The following STOX2 variants were observed in gnomAD, a reference collection of about 807,000 sequenced individuals.
STOX2 encodes the protein storkhead-box protein 2.
Under a neutral mutation model 60.9 loss-of-function variants are expected in STOX2, and 28 were observed. The observed-to-expected ratio is 0.46, with a 90% CI of 0.34 to 0.63. STOX2 has a LOEUF of 0.63. Among genes scored for constraint, STOX2 ranks in the 30% least tolerant of loss-of-function variants. The probability of loss-of-function intolerance (pLI) is 0.01; values close to 1 mark genes in which losing one functional copy is unlikely to be tolerated. For synonymous variants in STOX2, 472 were observed against 463.9 expected (o/e 1.02, Z -0.22); for missense variants, 1,024 against 1,187.7 (o/e 0.86, Z 2.03).
intron 1 of STOX2, among the ~76,000 whole-genome samples, chr4:183,986,514 G>A (rs1031689920): frequency 5.3e-5 from 8 of 152,346 alleles, no homozygotes; most frequent in African/African-American, 1.9e-4. Flanking sequence ...CATGGAAGAC[G>A]TTTTATTTAA....
At chr4:184,015,034 A>G (rs898212334) in intron 3 of STOX2, 2 of 152,194 alleles carry the variant, frequency 1.3e-5, no homozygotes, top group East Asian at 3.8e-4. Context: ...ATTTCATTAT[A>G]TGCTAGGTAT....
intron 1 of STOX2, among the ~76,000 whole-genome samples, chr4:183,910,839 TG>T (rs1260792063): frequency 6.6e-6 from 1 of 152,204 alleles, no homozygotes; most frequent in Non-Finnish European, 1.5e-5. Flanking sequence ...TGGGGAAGAA[TG>T]GCCAGCTCAT....
chr4:183,994,097 G>C (rs1299429112), intron 1 of STOX2, among the ~76,000 whole-genome samples: 1 of 152,194 alleles, frequency 6.6e-6, no homozygotes, highest in Non-Finnish European at 1.5e-5. Context: ...TCACTTGACT[G>C]TAACCCCAGA....
intron 1 of STOX2, among the ~76,000 whole-genome samples, chr4:183,933,460 C>A (rs112983816): frequency 6.6e-6 from 1 of 152,200 alleles, no homozygotes; most frequent in Non-Finnish European, 1.5e-5. Flanking sequence ...ATGATCTCGG[C>A]TCACTGCAAC....
upstream of STOX2, among the ~76,000 whole-genome samples, chr4:183,904,017 C>T (rs10005808): frequency 0.81 from 122,627 of 152,184 alleles, 50,997 homozygotes; most frequent in East Asian, 0.94. Context: ...ACTAGAGAGT[C>T]CCATCTGGAG....
intron 3 of STOX2, among the ~76,000 whole-genome samples, chr4:184,013,117 G>A (rs957437594): frequency 2.0e-5 from 3 of 152,130 alleles, no homozygotes; most frequent in African/African-American, 7.2e-5. Flanking sequence ...TTCCCTCTGG[G>A]CCCCTGGGCT....
intron 1 of STOX2, among the ~76,000 whole-genome samples, chr4:183,849,537 G>T (rs1740065840): frequency 6.6e-6 from 1 of 152,236 alleles, no homozygotes; most frequent in African/African-American, 2.4e-5. Context: ...AGCCTAGCTG[G>T]CTGGCTTTAT....
At chr4:183,869,756 A>G (rs1740645700) in intron 1 of STOX2, among the ~76,000 whole-genome samples, 1 of 152,228 alleles carries the variant, frequency 6.6e-6, no homozygotes, top group Admixed American at 6.5e-5. Flanking sequence ...ACAATCAGTG[A>G]CTATTTAAAG....
intron 1 of STOX2, among the ~76,000 whole-genome samples, chr4:183,875,325 T>C (rs1054833260): frequency 5.9e-5 from 9 of 152,262 alleles, no homozygotes; most frequent in Middle Eastern, 3.4e-3. Context: ...TGGTGGTGAA[T>C]ACCTTGGCTG....
chr4:183,957,482 G>A (rs1429462180), intron 1 of STOX2, among the ~76,000 whole-genome samples: 1 of 145,432 alleles, frequency 6.9e-6, no homozygotes, highest in Admixed American at 6.7e-5. Context: ...ATGTTCATTT[G>A]TTGAACGAAA....
chr4:183,836,206 T>A lies in STOX2; in HGVS notation c.364+38151T>A, dbSNP rs1739703902. On this transcript the variant is annotated intron_variant, in intron 1 of 2. Transcript: ENST00000513034. This position sits in a 1 kb window ranked among gnomAD's most constrained non-coding sequence, Gnocchi z 4.1. ...TCAAATCCTTTGCCCATTGTGAGAG[T>A]CATTGACTTTGGTATTTGTTGTTTG... Among the ~76,000 whole-genome samples the A allele has an allele frequency of 6.6e-6, 1 of 152,120 alleles. No individual in the cohort carries two copies. The highest frequency in any genetic ancestry group is 1.9e-4 in the East Asian group (1 of 5,186).
rs553820411 is a variant in STOX2 at position 183,871,600 on chromosome 4, G to A, written c.364+73545G>A. 1.2e-4 allele frequency among the ~76,000 whole-genome samples: 19 copies of A among 152,162 alleles called. No individual in the cohort carries two copies. In the South Asian group the frequency reaches 3.5e-3, roughly 28 times the overall value. The stretch of plus-strand genomic sequence containing the variant: ...ATAATGGCAATTAATGACAATCAGC[G>A]GCCAACTCACTGCTCACTGTATCTG... On this transcript the variant is annotated intron_variant, in intron 1 of 2. Coordinates refer to the STOX2 transcript ENST00000513034.
intron 1 of STOX2, among the ~76,000 whole-genome samples, chr4:183,960,509 G>C (rs1743380934): frequency 6.6e-6 from 1 of 152,178 alleles, no homozygotes; most frequent in African/African-American, 2.4e-5. Context: ...TAAAAAAAGA[G>C]ATAACCCTCC....
At chr4:183,803,688 C>T (rs28550253) in intron 1 of STOX2, among the ~76,000 whole-genome samples, 95,322 of 151,978 alleles carry the variant, frequency 0.63, 30,364 homozygotes, top group East Asian at 0.77. Context: ...ATGGTCTGGG[C>T]GTAGTGGCTC....
chr4:184,010,313 G>C lies in STOX2; in HGVS notation c.1475G>C (p.Arg492Thr). 1 of 1,602,906 alleles carries C rather than the reference G, an allele frequency of 6.2e-7. No homozygotes were observed. The highest frequency in any genetic ancestry group is 8.5e-7 in the Non-Finnish European group (1 of 1,174,712). ...TCCAACAAAGCCAAGGAGAGATCCA[G>C]GTCGATGGATAACTCCAAAGGCCCT... The part of the protein sequence containing the change: ...ERSNKAKERS[R>T]SMDNSKGPLG... The change falls in exon 3 of 4, where the codon AGG becomes ACG. Residue 492 changes from arginine to threonine, a missense_variant. Physicochemically the swap from Arg to Thr is moderately conservative, Grantham distance 71 (BLOSUM62 -1). This residue lies in a region of STOX2 where 922 missense variants were observed against 1,058.3 expected (regional missense o/e 0.87). Transcript: ENST00000308497. The surrounding 1 kb of genome is among the most constrained non-coding windows in gnomAD (Gnocchi z 4.5).
In STOX2 at chr4:183,964,887, T is replaced by C. The variant is rs991983937; in HGVS notation, c.167-36438T>C. Among the ~76,000 whole-genome samples the C allele has an allele frequency of 7.9e-5, 12 of 152,322 alleles. No homozygotes were observed. The East Asian group carries it at 1.4e-3, about 17-fold the overall frequency. ...GCATGAGCCACTGTGCCCAGCCAAA[T>C]TGGTGAGTTTTTACATTGAAACGTT... On this transcript the variant is annotated intron_variant, in intron 1 of 3. Transcript: ENST00000308497.
At chr4:183,889,202 G>A (rs549282667) in intron 1 of STOX2, among the ~76,000 whole-genome samples, 4 of 152,034 alleles carry the variant, frequency 2.6e-5, no homozygotes, top group African/African-American at 9.7e-5. Context: ...TGGAAATAGG[G>A]TAGTTGGCGA....
intron 1 of STOX2, among the ~76,000 whole-genome samples, chr4:183,925,404 A>G (rs1267100919): frequency 2.0e-5 from 3 of 151,982 alleles, no homozygotes; most frequent in Admixed American, 2.0e-4. Context: ...GCTGGTCTTG[A>G]ACTCCTGGGC....
At chr4:183,828,940 CAT>C (rs1469858263) in intron 1 of STOX2, among the ~76,000 whole-genome samples, 26 of 152,160 alleles carry the variant, frequency 1.7e-4, no homozygotes, top group African/African-American at 5.8e-4. Context: ...GCTGCAGACA[CAT>C]GTGTTTTGTC....
Sources: allele counts gnomAD v4.1 joint callset (sites outside exome capture counted in the v4.1 genomes callset), GRCh38; gene constraint gnomAD v4.1.1; regional missense constraint gnomAD v4.1.1; non-coding constraint Gnocchi (gnomAD v3.1); transcripts MANE v1.5; gene names NCBI Gene and HGNC (gene_info 2026-07-23, HGNC 2026-07-21).